UBR1: variants seen among roughly 807,000 people sequenced by gnomAD.
UBR1 encodes the protein ubiquitin protein ligase E3 component n-recognin 1.
UBR1 carries 102 observed loss-of-function variants against 242.1 expected under a neutral mutation model. That is an observed-to-expected ratio of 0.42 (90% confidence interval 0.36 to 0.50). UBR1 has a LOEUF of 0.50. Among genes scored for constraint, UBR1 ranks in the 20% least tolerant of loss-of-function variants. The probability of loss-of-function intolerance (pLI) is 0.01; values close to 1 mark genes in which losing one functional copy is unlikely to be tolerated. For synonymous variants in UBR1, 675 were observed against 684.8 expected (o/e 0.99, Z 0.22); for missense variants, 1,772 against 2,101.8 (o/e 0.84, Z 3.07).
In UBR1 at chr15:42,990,040, C is replaced by T. The variant is rs774045909; in HGVS notation, c.3838G>A (p.Val1280Ile). The change falls in exon 34 of 47, where the codon GTT becomes ATT. Residue 1280 changes from valine (V) to isoleucine (I), a missense_variant. Coordinates refer to ENST00000290650, the MANE Select transcript of UBR1 (RefSeq NM_174916.3). ...TATTTAGATACTTACGAAGACTCAA[C>T]GCCAAAACTCAGGATGGAATGGAAC... Reference protein sequence around the residue: ...LEFHSILSFGVESSIKYSNSI... With the variant: ...LEFHSILSFGIESSIKYSNSI... The T allele has an allele frequency of 3.1e-5, 50 of 1,608,070 alleles. No individual in the cohort carries two copies. The highest frequency in any genetic ancestry group is 1.1e-4 in the East Asian group (5 of 44,822).
At chr15:42,998,301 G>C in intron 32 of UBR1, 36 bp from the exon 33 acceptor site, 2 of 1,562,634 alleles carry the variant, frequency 1.3e-6, no homozygotes, top group South Asian at 1.1e-5. Flanking sequence ...TACAACCATG[G>C]GTACAAAGTC....
At chr15:42,957,951 AC>A in intron 44 of UBR1, 61 bp downstream of exon 44, 1 of 1,365,826 alleles carries the variant, frequency 7.3e-7, no homozygotes, top group African/African-American at 1.4e-5. Flanking sequence ...TATGGCATAT[AC>A]CAATTGCGAG....
At chr15:42,975,770 A>G (rs1262006326) in intron 39 of UBR1, among the ~76,000 whole-genome samples, 1 of 151,732 alleles carries the variant, frequency 6.6e-6, no homozygotes, top group African/African-American at 2.4e-5. Flanking sequence ...GGCACTCTGC[A>G]TGGTGCAATC....
chr15:43,070,565 C>T (rs1014360764), intron 5 of UBR1, among the ~76,000 whole-genome samples: 7 of 152,084 alleles, frequency 4.6e-5, no homozygotes, highest in Admixed American at 3.9e-4. Context: ...ATTTTTTTTC[C>T]GTAAAAATTC....
Position 43,007,299 on chromosome 15 carries a change from G to T in UBR1, c.3210-15C>A, listed in dbSNP as rs1405908280. Reference sequence around the variant, plus strand: ...CTGCTGGGGTGCTACCAAAAGAAATGATCAGAAATGAGGACACATGTTTTG... The same window carrying T: ...CTGCTGGGGTGCTACCAAAAGAAATTATCAGAAATGAGGACACATGTTTTG... On this transcript the variant is annotated splice_polypyrimidine_tract_variant and intron_variant, in intron 29 of 46. Transcript: ENST00000290650. 4 of 1,613,006 alleles carry T rather than the reference G, an allele frequency of 2.5e-6. No homozygotes were observed. In the African/African-American group the frequency reaches 4.0e-5, roughly 16 times the overall value.
At chr15:43,059,594 AAAAAAAAAAAG>A in intron 8 of UBR1, 97 bp downstream of exon 8, 1 of 1,375,502 alleles carries the variant, frequency 7.3e-7, no homozygotes, top group Non-Finnish European at 9.9e-7. Flanking sequence ...AAACCAAAAA[AAAAAAAAAAAG>A]AAAAACTTTA....
intron 12 of UBR1, among the ~76,000 whole-genome samples, chr15:43,054,232 T>A (rs546520266): frequency 2.3e-4 from 35 of 151,978 alleles, no homozygotes; most frequent in African/African-American, 8.5e-4. Flanking sequence ...GTGCCTGTGG[T>A]CCCAGCTACA....
At position 42,964,031 on chromosome 15, in the gene UBR1, CCTT is replaced by C. The variant is rs753040283; in HGVS notation, c.4601_4603del (p.Glu1534del). 60 of 1,608,670 alleles carry C rather than the reference CCTT, an allele frequency of 3.7e-5. No homozygotes were observed. The highest frequency in any genetic ancestry group is 9.4e-5 in the African/African-American group (7 of 74,852). ...ATAGCTACAGAGTGCACTGTACTCT[CCTT>C]CTGCAGAATCTGCAAGAGAATAAAA... On this transcript the variant is annotated inframe_deletion, in exon 42 of 47. Transcript: ENST00000290650.
chr15:43,103,727 G>A (rs867392346), intron 1 of UBR1, among the ~76,000 whole-genome samples: 1 of 152,090 alleles, frequency 6.6e-6, no homozygotes, highest in African/African-American at 2.4e-5. Flanking sequence ...CTATAACCAG[G>A]GATTAGACTC....
rs750555692 is a variant in UBR1 at position 43,026,653 on chromosome 15, C to T, written c.2443G>A (p.Val815Ile). The T allele has an allele frequency of 2.5e-5, 41 of 1,612,264 alleles. No individual in the cohort carries two copies. The East Asian group carries it at 8.3e-4, about 33-fold the overall frequency. Residue 815 changes from valine to isoleucine, a missense_variant, in exon 23 of 47, where the codon GTA becomes ATA. Val to Ile is a conservative substitution (Grantham distance 29, BLOSUM62 3). Transcript: ENST00000290650. The part of the protein sequence containing the change: ...NKVATFKKPG[V>I]SGHGVYELKD... ...AGTTCATAAACTCCATGGCCTGATA[C>T]ACCTGGTTTCCTAAATAGATGGAAA...
intron 18 of UBR1, 51 bp downstream of exon 18, chr15:43,036,477 T>G (rs1280046812): frequency 7.2e-7 from 1 of 1,382,842 alleles, no homozygotes; most frequent in African/African-American, 1.4e-5. Context: ...TTAGAAAGAA[T>G]TCAAGAAGGA....
chr15:42,953,332 A>G (rs1268484738), intron 44 of UBR1, among the ~76,000 whole-genome samples: 7 of 152,242 alleles, frequency 4.6e-5, no homozygotes, highest in Non-Finnish European at 8.8e-5. Context: ...TTTGGGAAGT[A>G]GAAGATAAAT....
At chr15:42,978,250 A>T (rs1028877963) in intron 37 of UBR1, among the ~76,000 whole-genome samples, 1 of 152,220 alleles carries the variant, frequency 6.6e-6, no homozygotes, top group Non-Finnish European at 1.5e-5. Flanking sequence ...GAATGAGAAG[A>T]GTTACTTTTA....
intron 43 of UBR1, among the ~76,000 whole-genome samples, chr15:42,960,391 T>C (rs905910805): frequency 6.6e-6 from 1 of 152,126 alleles, no homozygotes; most frequent in African/African-American, 2.4e-5. Context: ...TTTTGACAGG[T>C]ATGTGCTAGC....
chr15:43,038,375 T>C (rs1407222171), intron 15 of UBR1, 143 bp from the exon 16 acceptor site: 5 of 723,374 alleles, frequency 6.9e-6, no homozygotes, highest in Admixed American at 4.2e-5. Context: ...TTGGGAGGCC[T>C]AGGTGGGTGG....
rs2141316539 is a variant in UBR1, at chr15:43,036,158, A to G, written c.2190+20T>C. 1.3e-6 allele frequency: 2 copies of G among 1,534,674 alleles called. No homozygotes were observed. The highest frequency in any genetic ancestry group is 1.7e-5 in the Admixed American group (1 of 59,822). ...AATATTTCCTTTAAAATTAATTCAC[A>G]TAATTTACAGGTTGTATACCTGGTC... On this transcript the variant is annotated intron_variant, in intron 19 of 46. Transcript: ENST00000290650.
At chr15:42,951,911 C>T (rs1303926202) in intron 45 of UBR1, among the ~76,000 whole-genome samples, 4 of 152,154 alleles carry the variant, frequency 2.6e-5, no homozygotes, top group African/African-American at 9.7e-5. Context: ...TGTGCCTGGC[C>T]TACATGTACC....
At chr15:43,056,762 A>G (rs1030600633) in intron 10 of UBR1, among the ~76,000 whole-genome samples, 2 of 152,168 alleles carry the variant, frequency 1.3e-5, no homozygotes, top group African/African-American at 2.4e-5. Context: ...CCTTTCTCCA[A>G]ACAGAATCTG....
At chr15:42,959,907 G>C (rs2031986118) in intron 43 of UBR1, among the ~76,000 whole-genome samples, 1 of 152,174 alleles carries the variant, frequency 6.6e-6, no homozygotes, top group Non-Finnish European at 1.5e-5. Flanking sequence ...TTATCCACAG[G>C]AAAATGGTAC....
Sources: gnomAD v4.1 joint callset for allele counts (sites outside exome capture counted in the v4.1 genomes callset) on GRCh38, gnomAD v4.1.1 for gene constraint, MANE v1.5 for transcripts, NCBI Gene and HGNC (gene_info 2026-07-23, HGNC 2026-07-21) for gene names.